ARHGEF10: variants seen among roughly 807,000 people sequenced by gnomAD.
ARHGEF10 encodes Rho guanine nucleotide exchange factor (GEF) 10.
A neutral mutation model predicts 147.4 loss-of-function variants in ARHGEF10; 140 were observed. The ratio of observed to expected loss-of-function variants is 0.95; its 90% CI spans 0.83 to 1.09. The LOEUF is 1.09. Ranked by LOEUF, ARHGEF10 falls within the 50% of genes least tolerant of loss-of-function variation. ARHGEF10 has a pLI of 0.00. For synonymous variants in ARHGEF10, 902 were observed against 695.8 expected (o/e 1.30, Z -4.67); for missense variants, 2,222 against 1,752.7 (o/e 1.27, Z -4.78).
At chr8:1,900,693 G>C (rs528081134) in intron 15 of ARHGEF10, among the ~76,000 whole-genome samples, 9 of 152,296 alleles carry the variant, frequency 5.9e-5, no homozygotes, top group African/African-American at 1.9e-4. Flanking sequence ...CTCTGAGGAA[G>C]GACATTCTTA....
intron 26 of ARHGEF10, among the ~76,000 whole-genome samples, chr8:1,940,634 TC>T (rs1353257509): frequency 4.6e-5 from 7 of 152,182 alleles, no homozygotes; most frequent in African/African-American, 1.7e-4. Context: ...TCCTACTCAT[TC>T]TGCAGTCAGC....
At chr8:1,890,708 C>T (rs950432298) in intron 11 of ARHGEF10, among the ~76,000 whole-genome samples, 18 of 134,484 alleles carry the variant, frequency 1.3e-4, no homozygotes, top group Admixed American at 1.0e-3. Context: ...TCACGGGGTC[C>T]GTGGGGTGTC....
At chr8:1,835,175 G>T (rs1437520732) in intron 1 of ARHGEF10, among the ~76,000 whole-genome samples, 1 of 152,194 alleles carries the variant, frequency 6.6e-6, no homozygotes, top group East Asian at 1.9e-4. Context: ...CAGGGCCATG[G>T]AGGCCGGAGG....
chr8:1,891,541 T>C (rs959429533), intron 11 of ARHGEF10, among the ~76,000 whole-genome samples: 1 of 152,176 alleles, frequency 6.6e-6, no homozygotes, highest in African/African-American at 2.4e-5. Flanking sequence ...AAGGTCAGGC[T>C]GGGCCAGGCC....
chr8:1,854,811 T>C (rs1392804123), intron 2 of ARHGEF10, among the ~76,000 whole-genome samples: 2 of 152,214 alleles, frequency 1.3e-5, no homozygotes, highest in Admixed American at 6.5e-5. Flanking sequence ...GTGTCACACA[T>C]TGCCGCCAAC....
intron 25 of ARHGEF10, 67 bp downstream of exon 25, chr8:1,929,510 T>TAGCCTCCC: frequency 6.6e-7 from 1 of 1,521,470 alleles, no homozygotes; most frequent in Non-Finnish European, 8.8e-7. Flanking sequence ...GCATCCGGTT[T>TAGCCTCCC]AGCCTCCCCA....
Position 1,928,429 on chromosome 8 carries a change from C to T in ARHGEF10, c.2700C>T (p.Ile900=), listed in dbSNP as rs1045482998. ...SFSTAHGFLW[I]GSCTHQMGQI... Reference sequence around the variant, plus strand: ...TTCCTCCTAATTCTCTGATTCAGATCGGAAGTTGCACCCATCAAATGGGTC... The same window carrying T: ...TTCCTCCTAATTCTCTGATTCAGATTGGAAGTTGCACCCATCAAATGGGTC... The change falls in exon 24 of 29, where the codon ATC becomes ATT. Residue 900 remains isoleucine (I), a splice_region_variant and synonymous_variant. Transcript: ENST00000349830. 9 of 1,584,032 alleles carry T rather than the reference C, an allele frequency of 5.7e-6. No individual in the cohort carries two copies. In the Admixed American group the frequency reaches 6.8e-5, roughly 12 times the overall value.
rs76189885 is a variant in ARHGEF10 at position 1,884,156 on chromosome 8, G to A, written c.1075+1407G>A. 6.9e-3 allele frequency among the ~76,000 whole-genome samples: 1,049 copies of A among 152,268 alleles called. 6 individuals are homozygous for A. The highest frequency in any genetic ancestry group is 0.02 in the South Asian group (95 of 4,824). ...TGCCTGTAATCCCAGCATTTTTGGA[G>A]GCCGAGGCGGGCAGATCACGAGGTC... On this transcript the variant is annotated intron_variant, in intron 10 of 28. Transcript: ENST00000349830.
intron 25 of ARHGEF10, among the ~76,000 whole-genome samples, chr8:1,931,399 GCCTCTT>G: frequency 6.6e-6 from 1 of 152,166 alleles, no homozygotes; most frequent in African/African-American, 2.4e-5. Context: ...CATCTCTCCA[GCCTCTT>G]ACTTGGCTGC....
chr8:1,861,718 C>A (rs1203548261), intron 4 of ARHGEF10, among the ~76,000 whole-genome samples: 1 of 152,144 alleles, frequency 6.6e-6, no homozygotes, highest in African/African-American at 2.4e-5. Context: ...TGTGCGTTTT[C>A]CTGTTGAAGT....
chr8:1,841,223 G>T (rs1804006624), intron 1 of ARHGEF10, among the ~76,000 whole-genome samples: 1 of 151,762 alleles, frequency 6.6e-6, no homozygotes, highest in Non-Finnish European at 1.5e-5. Flanking sequence ...ACGTCTTGGA[G>T]TTGCGCTGGC....
intron 26 of ARHGEF10, among the ~76,000 whole-genome samples, chr8:1,935,578 T>C (rs1482324289): frequency 1.3e-5 from 2 of 151,744 alleles, no homozygotes; most frequent in East Asian, 1.9e-4. Flanking sequence ...GACCGCGGGG[T>C]CTTAGGGCAG....
chr8:1,877,919 C>T (rs547451682), intron 8 of ARHGEF10, among the ~76,000 whole-genome samples: 2 of 152,046 alleles, frequency 1.3e-5, no homozygotes, highest in African/African-American at 2.4e-5. Context: ...GGTGTTATCC[C>T]TCCGGTCCCC....
intron 1 of ARHGEF10, among the ~76,000 whole-genome samples, chr8:1,841,099 C>G (rs546981032): frequency 6.6e-6 from 1 of 152,228 alleles, no homozygotes; most frequent in East Asian, 1.9e-4. Context: ...GCATCAGCCA[C>G]CCGCCCTCAG....
intron 2 of ARHGEF10, 41 bp from the exon 3 acceptor site, chr8:1,857,919 T>TATCC: frequency 6.9e-7 from 1 of 1,458,614 alleles, no homozygotes; most frequent in African/African-American, 1.4e-5. Context: ...TCTATCTATC[T>TATCC]ATCTATCTCT....
chr8:1,900,989 G>A (rs1341445912), intron 15 of ARHGEF10, among the ~76,000 whole-genome samples: 1 of 152,012 alleles, frequency 6.6e-6, no homozygotes, highest in East Asian at 1.9e-4. Context: ...GACACTTTTT[G>A]CCCACATTTG....
intron 8 of ARHGEF10, among the ~76,000 whole-genome samples, chr8:1,877,319 C>G (rs1048705293): frequency 2.6e-5 from 4 of 152,116 alleles, no homozygotes; most frequent in African/African-American, 9.7e-5. Flanking sequence ...TCTCTGCCTC[C>G]CAGGTTTAAG....
chr8:1,894,521 C>T lies in ARHGEF10; in HGVS notation c.1389C>T (p.Arg463=). ...HSLFQIALAS[R]VSEWDSVEMI... is the part of the protein sequence containing the mutation. Reference sequence around the variant, plus strand: ...TATTTCAGATCGCGCTGGCCAGCCGCGTTTCCGAGTGGGACTCCGTGGAAA... The same window carrying T: ...TATTTCAGATCGCGCTGGCCAGCCGTGTTTCCGAGTGGGACTCCGTGGAAA... Residue 463 remains arginine (R), a synonymous_variant, in exon 13 of 29, where the codon CGC becomes CGT. Transcript: ENST00000349830. 7 of 1,614,206 alleles carry T rather than the reference C, an allele frequency of 4.3e-6. No homozygotes were observed. Among genetic ancestry groups the T allele is most frequent in the Non-Finnish European group, 5.9e-6 (7 of 1,180,036 alleles).
chr8:1,869,369 T>G, intron 7 of ARHGEF10, 119 bp downstream of exon 7: 2 of 864,774 alleles, frequency 2.3e-6, no homozygotes, highest in Non-Finnish European at 3.9e-6. Flanking sequence ...TTTTGTATGT[T>G]GCTTCTAGAA....
Sources: allele counts gnomAD v4.1 joint callset (sites outside exome capture counted in the v4.1 genomes callset), GRCh38; gene constraint gnomAD v4.1.1; transcripts MANE v1.5; gene names NCBI Gene and HGNC (gene_info 2026-07-23, HGNC 2026-07-21).